Variants in SYNJ1 observed in about 807,000 individuals in gnomAD.
The protein encoded by SYNJ1 is synaptojanin 1.
SYNJ1 carries 78 observed loss-of-function variants against 168.2 expected under a neutral mutation model. The observed-to-expected ratio is 0.46, with a 90% CI of 0.39 to 0.56. The LOEUF (loss-of-function observed/expected upper bound fraction) is 0.56, where lower values mean the gene tolerates loss of function less well. Among genes scored for constraint, SYNJ1 ranks in the 20% least tolerant of loss-of-function variants. The pLI is 0.00. For missense variants in SYNJ1, 1,303 were observed against 1,597.6 expected (o/e 0.82, Z 3.14); for synonymous variants, 539 against 548.6 (o/e 0.98, Z 0.24).
chr21:32,641,873 G>GC, intron 29 of SYNJ1, 23 bp downstream of exon 29: 2 of 1,578,434 alleles, frequency 1.3e-6, no homozygotes, highest in Non-Finnish European at 1.7e-6. Flanking sequence ...AGACCCCTTG[G>GC]CCCCAGGCGA....
At chr21:32,695,908 G>A (rs1432300498) in intron 4 of SYNJ1, among the ~76,000 whole-genome samples, 1 of 151,234 alleles carries the variant, frequency 6.6e-6, no homozygotes, top group African/African-American at 2.4e-5. Flanking sequence ...GTGCAGTGGC[G>A]GGATCTTGGC....
intron 1 of SYNJ1, 164 bp from the exon 2 acceptor site, chr21:32,727,081 G>C (rs776466668): frequency 8.8e-6 from 8 of 907,528 alleles, no homozygotes; most frequent in African/African-American, 1.7e-5. Context: ...AAGATAAGTC[G>C]TCACTTAATT....
chr21:32,698,414 A>G (rs2042284724), intron 4 of SYNJ1, among the ~76,000 whole-genome samples: 1 of 152,238 alleles, frequency 6.6e-6, no homozygotes, highest in South Asian at 2.1e-4. Flanking sequence ...TATAAGTGAC[A>G]GTGAAAGTGT....
chr21:32,639,215 G>C, intron 30 of SYNJ1, 90 bp from the exon 31 acceptor site: 4 of 1,215,800 alleles, frequency 3.3e-6, no homozygotes, highest in Non-Finnish European at 4.6e-6. Context: ...GAACATTCTA[G>C]TTATTTCTTC....
intron 18 of SYNJ1, among the ~76,000 whole-genome samples, chr21:32,658,259 A>T (rs1569053390): frequency 6.6e-6 from 1 of 152,136 alleles, no homozygotes; most frequent in East Asian, 1.9e-4. Context: ...TAAAAACCCC[A>T]GGCTCAGCTG....
At chr21:32,662,351 G>A (rs566118098) in intron 18 of SYNJ1, among the ~76,000 whole-genome samples, 3 of 152,222 alleles carry the variant, frequency 2.0e-5, no homozygotes, top group African/African-American at 4.8e-5. Context: ...ACTGAGGTAG[G>A]GTAACAAGTT....
At chr21:32,681,719 C>T in intron 10 of SYNJ1, 71 bp from the exon 11 acceptor site, 3 of 1,451,838 alleles carry the variant, frequency 2.1e-6, no homozygotes, top group Non-Finnish European at 2.7e-6. Flanking sequence ...TTAAGAACTA[C>T]CAGAATCAAA....
intron 21 of SYNJ1, among the ~76,000 whole-genome samples, chr21:32,654,634 A>C (rs1054705275): frequency 6.6e-6 from 1 of 152,214 alleles, no homozygotes; most frequent in Non-Finnish European, 1.5e-5. Flanking sequence ...ATTCTCAATC[A>C]GCAATGTGCC....
At chr21:32,686,400 CTTGT>C (rs934578395) in intron 8 of SYNJ1, among the ~76,000 whole-genome samples, 3 of 152,126 alleles carry the variant, frequency 2.0e-5, no homozygotes, top group South Asian at 2.1e-4. Context: ...TTCTAACAAT[CTTGT>C]TTAAGTTTAT....
At chr21:32,701,136 G>T (rs1449891539) in intron 3 of SYNJ1, among the ~76,000 whole-genome samples, 1 of 152,084 alleles carries the variant, frequency 6.6e-6, no homozygotes, top group Admixed American at 6.6e-5. Context: ...ATTATACTGT[G>T]AGGCTTACCC....
At chr21:32,697,161 T>A (rs2042240987) in intron 4 of SYNJ1, among the ~76,000 whole-genome samples, 1 of 152,222 alleles carries the variant, frequency 6.6e-6, no homozygotes, top group Non-Finnish European at 1.5e-5. Context: ...TTTAAATTTA[T>A]ACATGACTTT....
At chr21:32,720,782 C>T (rs549280626) in intron 2 of SYNJ1, among the ~76,000 whole-genome samples, 4 of 152,234 alleles carry the variant, frequency 2.6e-5, no homozygotes, top group African/African-American at 4.8e-5. Flanking sequence ...CCATCTTTTA[C>T]GTAGAGGTCC....
chr21:32,645,632 TA>T lies in SYNJ1; in HGVS notation c.3391+13del. 2 of 1,518,704 alleles carry T rather than the reference TA, an allele frequency of 1.3e-6. No homozygotes were observed. Among genetic ancestry groups the T allele is most frequent in the Admixed American group, 2.5e-5 (1 of 40,112 alleles). The allele number at this position is 1,518,704 out of a possible 1,614,324, so 94.1% of individuals were successfully genotyped here. ...ATTTTACATCTAGCAGAAATGGAAATAAAAGGTTGTCACCTGAAGGCGGAGG... is the reference window on the plus strand; with the variant it reads ...ATTTTACATCTAGCAGAAATGGAAATAAAGGTTGTCACCTGAAGGCGGAGG... On this transcript the variant is annotated intron_variant, in intron 25 of 32. Transcript: ENST00000674351.
At chr21:32,663,441 C>G (rs976923191) in intron 18 of SYNJ1, among the ~76,000 whole-genome samples, 2 of 152,130 alleles carry the variant, frequency 1.3e-5, no homozygotes, top group Non-Finnish European at 2.9e-5. Context: ...CGGAGTCCCA[C>G]CAGGACTGGA....
chr21:32,725,323 T>C (rs2043405631), intron 2 of SYNJ1, among the ~76,000 whole-genome samples: 2 of 152,178 alleles, frequency 1.3e-5, no homozygotes, highest in African/African-American at 4.8e-5. Context: ...AATTCATCAG[T>C]ATAAGAATTC....
chr21:32,708,192 A>C (rs969855083), intron 2 of SYNJ1, among the ~76,000 whole-genome samples: 1 of 152,206 alleles, frequency 6.6e-6, no homozygotes, highest in African/African-American at 2.4e-5. Flanking sequence ...GTTGCTAACT[A>C]GGGTTTAAAA....
intron 2 of SYNJ1, among the ~76,000 whole-genome samples, chr21:32,723,580 G>A (rs1283897137): frequency 6.6e-6 from 1 of 152,206 alleles, no homozygotes; most frequent in Non-Finnish European, 1.5e-5. Flanking sequence ...TACTTTGGGA[G>A]CCTGAGGCAG....
intron 12 of SYNJ1, 51 bp from the exon 13 acceptor site, chr21:32,676,406 CA>C (rs1294439698): frequency 6.4e-7 from 1 of 1,565,426 alleles, no homozygotes; most frequent in South Asian, 1.2e-5. Context: ...AAACAAGTTA[CA>C]ATTAAAATGT....
intron 29 of SYNJ1, 58 bp downstream of exon 29, chr21:32,641,838 T>C (rs916311095): frequency 2.3e-6 from 3 of 1,297,006 alleles, no homozygotes; most frequent in African/African-American, 3.0e-5. Context: ...CAAAACTGAC[T>C]AGTAGTAAAC....
Sources: allele counts gnomAD v4.1 joint callset (sites outside exome capture counted in the v4.1 genomes callset), GRCh38; gene constraint gnomAD v4.1.1; transcripts MANE v1.5; gene names NCBI Gene and HGNC (gene_info 2026-07-23, HGNC 2026-07-21).